SCAI: variants seen among roughly 807,000 people sequenced by gnomAD.
SCAI encodes the protein protein SCAI.
Under a neutral mutation model 92.2 loss-of-function variants are expected in SCAI, and 24 were observed. That is an observed-to-expected ratio of 0.26 (90% CI 0.19 to 0.37). The LOEUF is 0.37. Ranked by LOEUF, SCAI falls within the 10% of genes least tolerant of loss-of-function variation. The probability of loss-of-function intolerance (pLI) is 1.00; values close to 1 mark genes in which losing one functional copy is unlikely to be tolerated. For synonymous variants in SCAI, 261 were observed against 258.6 expected, an observed-to-expected ratio of 1.01 and a Z score of -0.09; for missense variants, 450 against 736.2, an observed-to-expected ratio of 0.61 and a Z score of 4.50.
At chr9:125,127,808 G>C (rs999074097) in intron 2 of SCAI, among the ~76,000 whole-genome samples, 2 of 152,096 alleles carry the variant, frequency 1.3e-5, no homozygotes, top group Non-Finnish European at 2.9e-5. Context: ...AGGAGTTTGA[G>C]ACCAGCCTGG....
At chr9:125,032,305 C>A (rs1833093578) in intron 3 of SCAI, among the ~76,000 whole-genome samples, 1 of 149,100 alleles carries the variant, frequency 6.7e-6, no homozygotes, top group Non-Finnish European at 1.5e-5. Context: ...GATTCTCCTG[C>A]CTCAGCCTTC....
intron 6 of SCAI, among the ~76,000 whole-genome samples, chr9:125,025,894 G>T (rs1832956323): frequency 6.6e-6 from 1 of 152,214 alleles, no homozygotes; most frequent in Non-Finnish European, 1.5e-5. Context: ...TTCTTCTATT[G>T]CTAAGAGAAT....
intron 3 of SCAI, among the ~76,000 whole-genome samples, chr9:125,052,661 G>A (rs1429661829): frequency 2.0e-5 from 3 of 151,918 alleles, no homozygotes; most frequent in Non-Finnish European, 4.4e-5. Flanking sequence ...ACAATCCACA[G>A]AATAAGAGAA....
intron 3 of SCAI, among the ~76,000 whole-genome samples, chr9:125,030,345 C>T (rs900913436): frequency 2.6e-5 from 4 of 152,164 alleles, no homozygotes; most frequent in African/African-American, 7.2e-5. Context: ...ATTAAGAGCA[C>T]TGAGTGTTTC....
chr9:125,130,498 A>G (rs1835375590), intron 2 of SCAI, among the ~76,000 whole-genome samples: 1 of 152,096 alleles, frequency 6.6e-6, no homozygotes, highest in Non-Finnish European at 1.5e-5. Flanking sequence ...TTAAAAATTA[A>G]AAATTCAGAC....
rs145712420 is a variant in SCAI at position 124,946,772 on chromosome 9, C to T, written c.*6035G>A. 185 of 152,212 alleles carry T rather than the reference C, an allele frequency of 1.2e-3. 1 individual carries two copies. Among genetic ancestry groups the T allele is most frequent in the African/African-American group, 4.3e-3 (177 of 41,524 alleles). 9.4% of individuals were successfully genotyped at this position (152,212 alleles called of 1,614,324 possible). On this transcript the variant is annotated 3_prime_UTR_variant, in exon 18 of 18. Transcript: ENST00000336505. This position sits in a 1 kb window ranked among gnomAD's most constrained non-coding sequence, Gnocchi z 4.0. Reference sequence around the variant, plus strand: ...AATATTAAAAACTCTACTTCATGTGCGAATATATCATCAACTTGCAGAACA... The same window carrying T: ...AATATTAAAAACTCTACTTCATGTGTGAATATATCATCAACTTGCAGAACA...
At chr9:125,079,450 A>G (rs1834162393) in intron 2 of SCAI, among the ~76,000 whole-genome samples, 1 of 152,172 alleles carries the variant, frequency 6.6e-6, no homozygotes, top group Non-Finnish European at 1.5e-5. Flanking sequence ...GACATCTATA[A>G]CTGGAAGTTG....
intron 17 of SCAI, among the ~76,000 whole-genome samples, chr9:124,967,171 C>G (rs573808000): frequency 6.6e-6 from 1 of 152,062 alleles, no homozygotes; most frequent in South Asian, 2.1e-4. Context: ...CAATAAAGGA[C>G]GGCTGTAATT....
At chr9:125,090,991 G>A (rs1225805775) in intron 2 of SCAI, among the ~76,000 whole-genome samples, 3 of 152,256 alleles carry the variant, frequency 2.0e-5, no homozygotes, top group South Asian at 2.1e-4. Context: ...GGTGGCAGGC[G>A]CCTGTAGTTC....
chr9:125,010,868 G>A lies in SCAI; in HGVS notation c.862-7298C>T, dbSNP rs192528996. On this transcript the variant is annotated intron_variant, in intron 9 of 17. Transcript: ENST00000336505. ...GGGAACATCAGACAGCAGCATTCAC[G>A]GTTCACGAAAATCCGCTGTTCTGCA... is the stretch of plus-strand genomic sequence containing the variant. Among the ~76,000 whole-genome samples the A allele has an allele frequency of 8.9e-4, 136 of 152,260 alleles. 2 individuals are homozygous for A. The highest frequency in any genetic ancestry group is 2.8e-3 in the African/African-American group (118 of 41,544).
chr9:124,955,795 A>G (rs141592144), intron 17 of SCAI, among the ~76,000 whole-genome samples: 199 of 152,318 alleles, frequency 1.3e-3, no homozygotes, highest in African/African-American at 4.4e-3. Flanking sequence ...ATAAAAGGAC[A>G]ATGGAAAATT....
At chr9:124,966,101 T>C (rs1831534583) in intron 17 of SCAI, among the ~76,000 whole-genome samples, 1 of 152,238 alleles carries the variant, frequency 6.6e-6, no homozygotes, top group African/African-American at 2.4e-5. Flanking sequence ...AATTATACTT[T>C]AAGTTCTAGG....
intron 9 of SCAI, among the ~76,000 whole-genome samples, chr9:125,013,000 T>C (rs1432357642): frequency 6.6e-6 from 1 of 151,856 alleles, no homozygotes; most frequent in Admixed American, 6.6e-5. Context: ...AGACACAACA[T>C]ACCAGAATCT....
intron 14 of SCAI, among the ~76,000 whole-genome samples, chr9:124,986,607 C>T (rs1414960386): frequency 6.6e-6 from 1 of 152,090 alleles, no homozygotes; most frequent in Non-Finnish European, 1.5e-5. Context: ...TAGATACCAT[C>T]GATATGTGAA....
At chr9:125,139,405 AAAAAACAACAACAACAACAAC>A (rs1282863303) in intron 2 of SCAI, among the ~76,000 whole-genome samples, 5 of 151,490 alleles carry the variant, frequency 3.3e-5, no homozygotes, top group Non-Finnish European at 7.4e-5. Flanking sequence ...GACCGTCTTT[AAAAAACAACAACAACAACAAC>A]AAAAACAACA....
At chr9:125,095,781 G>T (rs546033118) in intron 2 of SCAI, among the ~76,000 whole-genome samples, 1 of 152,278 alleles carries the variant, frequency 6.6e-6, no homozygotes, top group South Asian at 2.1e-4. Context: ...CAATAAGCTA[G>T]TGATGAGAGA....
chr9:125,102,927 G>A (rs1383802306), intron 2 of SCAI, among the ~76,000 whole-genome samples: 1 of 151,968 alleles, frequency 6.6e-6, no homozygotes, highest in African/African-American at 2.4e-5. Context: ...TCTCCCTTAA[G>A]TCATCTCTCT....
chr9:124,962,176 G>C lies in SCAI; in HGVS notation c.1674+9194C>G, dbSNP rs554722681. Among the ~76,000 whole-genome samples the C allele has an allele frequency of 1.3e-4, 18 of 143,748 alleles. 1 individual carries two copies. Among genetic ancestry groups the C allele is most frequent in the Non-Finnish European group, 2.1e-4 (14 of 65,914 alleles). The allele number at this position is 143,748 out of a possible 152,430, so 94.3% of individuals were successfully genotyped here. On this transcript the variant is annotated intron_variant, in intron 17 of 17. Coordinates refer to ENST00000336505, the MANE Select transcript of SCAI (RefSeq NM_001144877.3). ...TTTTTTTTTTTTTTTTTTTTGCGGG[G>C]GGGGATGGAGTCTTGCTCTGTCGCC... is the stretch of plus-strand genomic sequence containing the variant.
At position 124,999,024 on chromosome 9, in the gene SCAI, C is replaced by T. The variant is rs893034967; in HGVS notation, c.1244+867G>A. 2.0e-5 allele frequency among the ~76,000 whole-genome samples: 3 copies of T among 152,008 alleles called. No individual in the cohort carries two copies. In the East Asian group the frequency reaches 5.8e-4, roughly 29 times the overall value. ...ACTCTGATCTGATCACAATACATTA[C>T]AAATATAGAAACATCATTAAGTACC... On this transcript the variant is annotated intron_variant, in intron 13 of 17. Coordinates refer to ENST00000336505, the MANE Select transcript of SCAI (RefSeq NM_001144877.3).
Sources: allele counts gnomAD v4.1 joint callset (sites outside exome capture counted in the v4.1 genomes callset), GRCh38; gene constraint gnomAD v4.1.1; non-coding constraint Gnocchi (gnomAD v3.1); transcripts MANE v1.5; gene names NCBI Gene and HGNC (gene_info 2026-07-23, HGNC 2026-07-21).